SOX6: variants seen among roughly 807,000 people sequenced by gnomAD.
SOX6 encodes transcription factor SOX-6.
A neutral mutation model predicts 97.8 loss-of-function variants in SOX6; 11 were observed. That is an observed-to-expected ratio of 0.11 (90% CI 0.07 to 0.19). The LOEUF is 0.19. SOX6 is among the 10% of genes least tolerant of loss of function. SOX6 has a pLI of 1.00. For synonymous variants in SOX6, 360 were observed against 371.4 expected, an observed-to-expected ratio of 0.97 and a Z score of 0.35; for missense variants, 810 against 1,039.5, an observed-to-expected ratio of 0.78 and a Z score of 3.04.
chr11:16,068,933 C>T (rs1379127177), intron 9 of SOX6, among the ~76,000 whole-genome samples: 1 of 152,072 alleles, frequency 6.6e-6, no homozygotes, highest in Non-Finnish European at 1.5e-5. Flanking sequence ...TCTTTATGTC[C>T]CTAGCACCTA....
chr11:16,734,503 C>G (rs1001186957), intron 2 of SOX6, among the ~76,000 whole-genome samples: 11 of 152,102 alleles, frequency 7.2e-5, no homozygotes, highest in African/African-American at 2.7e-4. Flanking sequence ...TAAATCTTCT[C>G]CTTCTTGTTC....
chr11:16,050,795 C>T (rs545309648), intron 10 of SOX6, among the ~76,000 whole-genome samples: 1 of 152,174 alleles, frequency 6.6e-6, no homozygotes, highest in Admixed American at 6.6e-5. Flanking sequence ...CTTGAAATAA[C>T]ACTTTCATCA....
At chr11:16,422,971 T>C (rs1590197263) in intron 1 of SOX6, among the ~76,000 whole-genome samples, 1 of 152,210 alleles carries the variant, frequency 6.6e-6, no homozygotes, top group African/African-American at 2.4e-5. Flanking sequence ...TCTATTCTTC[T>C]AATATCAGAT....
chr11:16,007,793 G>T (rs374710375), intron 13 of SOX6, among the ~76,000 whole-genome samples: 7 of 152,238 alleles, frequency 4.6e-5, no homozygotes, highest in Middle Eastern at 3.4e-3. Flanking sequence ...ATCAGTCAGG[G>T]TTTAATCTAA....
chr11:16,384,321 A>C (rs1857913519), intron 1 of SOX6, among the ~76,000 whole-genome samples: 1 of 151,938 alleles, frequency 6.6e-6, no homozygotes, highest in Non-Finnish European at 1.5e-5. Context: ...GCAATAATAG[A>C]TTAACTCATT....
chr11:16,021,796 A>C (rs996417805), intron 12 of SOX6, among the ~76,000 whole-genome samples: 1 of 152,114 alleles, frequency 6.6e-6, no homozygotes, highest in Non-Finnish European at 1.5e-5. Flanking sequence ...TCACAGCATA[A>C]ATATATCTAC....
chr11:16,464,895 A>T (rs1859999534), intron 1 of SOX6, among the ~76,000 whole-genome samples: 1 of 152,144 alleles, frequency 6.6e-6, no homozygotes, highest in Non-Finnish European at 1.5e-5. Context: ...GGGGGGAAAA[A>T]CTGTAGAACT....
chr11:16,484,713 G>T, intron 4 of SOX6: 1 of 552,996 alleles, frequency 1.8e-6, no homozygotes, highest in South Asian at 2.1e-5. Flanking sequence ...ACCGTGCCTA[G>T]TTCAGTCCAA....
At chr11:16,054,576 T>A (rs1009022405) in intron 10 of SOX6, among the ~76,000 whole-genome samples, 11 of 152,140 alleles carry the variant, frequency 7.2e-5, no homozygotes, top group African/African-American at 2.2e-4. Flanking sequence ...TGCACTTTTT[T>A]AAAAGACTTC....
intron 2 of SOX6, among the ~76,000 whole-genome samples, chr11:16,731,841 A>G (rs554003207): frequency 1.8e-4 from 28 of 152,226 alleles, no homozygotes; most frequent in Non-Finnish European, 3.4e-4. Flanking sequence ...TATTTTGAAA[A>G]CACCAACATC....
At chr11:16,087,802 C>T (rs1258243150) in intron 9 of SOX6, among the ~76,000 whole-genome samples, 1 of 152,086 alleles carries the variant, frequency 6.6e-6, no homozygotes, top group Non-Finnish European at 1.5e-5. Flanking sequence ...AGGTAAAATT[C>T]TCAGAGGGCA....
At chr11:16,325,208 T>C (rs982225082) in intron 2 of SOX6, among the ~76,000 whole-genome samples, 8 of 152,062 alleles carry the variant, frequency 5.3e-5, no homozygotes, top group Non-Finnish European at 7.4e-5. Flanking sequence ...ATCAAAGAAG[T>C]CATAGAAATA....
At chr11:16,526,475 G>T (rs1590233847) in intron 4 of SOX6, among the ~76,000 whole-genome samples, 1 of 151,678 alleles carries the variant, frequency 6.6e-6, no homozygotes, top group Non-Finnish European at 1.5e-5. Context: ...ACACTCCGGG[G>T]CCTGTTGTGG....
At chr11:16,023,820 A>G (rs940137749) in intron 12 of SOX6, among the ~76,000 whole-genome samples, 1 of 152,220 alleles carries the variant, frequency 6.6e-6, no homozygotes, top group Non-Finnish European at 1.5e-5. Context: ...GAACATTCCT[A>G]GGGAAGATAA....
At chr11:16,590,924 A>T (rs143298558) in intron 4 of SOX6, among the ~76,000 whole-genome samples, 1 of 152,244 alleles carries the variant, frequency 6.6e-6, no homozygotes, top group African/African-American at 2.4e-5. Context: ...TGTACATTTT[A>T]AAATAACTAA....
At chr11:16,235,780 A>C (rs2134177598) in intron 3 of SOX6, among the ~76,000 whole-genome samples, 1 of 152,186 alleles carries the variant, frequency 6.6e-6, no homozygotes, top group East Asian at 1.9e-4. Flanking sequence ...AATGACAGTA[A>C]GGTCAAGATG....
intron 9 of SOX6, among the ~76,000 whole-genome samples, chr11:16,077,658 A>C (rs1848387196): frequency 6.6e-6 from 1 of 152,196 alleles, no homozygotes; most frequent in Non-Finnish European, 1.5e-5. Context: ...TCTCTGCAGC[A>C]ACATGGATGG....
chr11:16,512,685 C>G (rs1330889407), intron 4 of SOX6, among the ~76,000 whole-genome samples: 1 of 151,984 alleles, frequency 6.6e-6, no homozygotes, highest in Non-Finnish European at 1.5e-5. Context: ...TTCTTTTGGA[C>G]CAAAGTCACT....
intron 4 of SOX6, among the ~76,000 whole-genome samples, chr11:16,496,844 C>T (rs1042984466): frequency 1.3e-5 from 2 of 152,198 alleles, no homozygotes; most frequent in African/African-American, 2.4e-5. Flanking sequence ...GTGGAGCCCA[C>T]CGCAGGTCAA....
Sources: allele counts gnomAD v4.1 joint callset (sites outside exome capture counted in the v4.1 genomes callset), GRCh38; gene constraint gnomAD v4.1.1; transcripts MANE v1.5; gene names NCBI Gene and HGNC (gene_info 2026-07-23, HGNC 2026-07-21).